TMTC2: variants seen among roughly 807,000 people sequenced by gnomAD.
TMTC2 encodes the protein transmembrane O-mannosyltransferase targeting cadherins 2, also known as protein O-mannosyl-transferase TMTC2.
Under a neutral mutation model 82.4 loss-of-function variants are expected in TMTC2, and 43 were observed. The observed-to-expected ratio is 0.52, with a 90% CI of 0.41 to 0.67. The LOEUF (loss-of-function observed/expected upper bound fraction) is 0.67, where lower values mean the gene tolerates loss of function less well. Among genes scored for constraint, TMTC2 ranks in the 30% least tolerant of loss-of-function variants. The probability of loss-of-function intolerance (pLI) is 0.00; values close to 1 mark genes in which losing one functional copy is unlikely to be tolerated. For missense variants in TMTC2, 919 were observed against 1,012.4 expected (o/e 0.91, Z 1.25); for synonymous variants, 408 against 381.9 (o/e 1.07, Z -0.80).
Position 82,966,958 on chromosome 12 carries a change from C to A in TMTC2, c.1909C>A (p.Pro637Thr). The A allele has an allele frequency of 6.2e-7, 1 of 1,613,076 alleles. No homozygotes were observed. Among genetic ancestry groups the A allele is most frequent in the Non-Finnish European group, 8.5e-7 (1 of 1,179,338 alleles). ...SVYKEAIQKM[P>T]RQFAPQSLYN... ...ATACAAGGAAGCAATTCAGAAAATG[C>A]CAAGGCAGTTTGCCCCACAGAGCTT... The change falls in exon 7 of 12, where the codon CCA becomes ACA. Residue 637 changes from proline (P) to threonine (T), a missense_variant. Physicochemically the swap from Pro to Thr is conservative, Grantham distance 38. Transcript: ENST00000321196.
intron 11 of TMTC2, among the ~76,000 whole-genome samples, chr12:83,089,618 G>A (rs1883773668): frequency 6.6e-6 from 1 of 152,102 alleles, no homozygotes; most frequent in East Asian, 1.9e-4. Context: ...GGCCTAGGTA[G>A]GGAGTGTAAG....
At chr12:83,046,594 T>A (rs1882140617) in intron 9 of TMTC2, among the ~76,000 whole-genome samples, 1 of 152,174 alleles carries the variant, frequency 6.6e-6, no homozygotes, top group African/African-American at 2.4e-5. Flanking sequence ...TGGCTCTACC[T>A]TGTAGTATAC....
At chr12:83,080,235 TC>T (rs1883416416) in intron 11 of TMTC2, among the ~76,000 whole-genome samples, 1 of 152,188 alleles carries the variant, frequency 6.6e-6, no homozygotes, top group Admixed American at 6.5e-5. Context: ...AAACTGTATC[TC>T]CATGTTTAAA....
chr12:82,995,436 G>C (rs912231034), intron 8 of TMTC2, among the ~76,000 whole-genome samples: 4 of 151,964 alleles, frequency 2.6e-5, no homozygotes, highest in African/African-American at 9.7e-5. Flanking sequence ...AACCTGCCTG[G>C]CCATGAACAT....
At chr12:82,919,035 C>T (rs759275655) in intron 3 of TMTC2, among the ~76,000 whole-genome samples, 4 of 152,196 alleles carry the variant, frequency 2.6e-5, no homozygotes, top group Non-Finnish European at 4.4e-5. Flanking sequence ...GGATTACAGG[C>T]GTAAGCCACC....
At chr12:83,116,396 A>C (rs1406781204) in intron 11 of TMTC2, among the ~76,000 whole-genome samples, 2 of 152,332 alleles carry the variant, frequency 1.3e-5, no homozygotes, top group East Asian at 3.9e-4. Context: ...TGCTGTAAAC[A>C]TGCATGTGCA....
At chr12:82,837,025 C>T (rs972706387) in intron 1 of TMTC2, among the ~76,000 whole-genome samples, 1 of 152,134 alleles carries the variant, frequency 6.6e-6, no homozygotes, top group Non-Finnish European at 1.5e-5. Flanking sequence ...GTATATTAGT[C>T]ATCAGGGACA....
Position 82,965,607 on chromosome 12 carries a change from G to A in TMTC2, c.1732G>A (p.Glu578Lys), listed in dbSNP as rs368290342. ...GIILMNQGRT[E>K]EARRTFLKCS... ...TATTCTAATGAACCAAGGAAGGACG[G>A]AAGAAGCCCGACGGACATTCTTAAA... Residue 578 changes from glutamate (E) to lysine (K), a missense_variant, in exon 6 of 12, where the codon GAA becomes AAA. By Grantham distance (56) the Glu-to-Lys change is moderately conservative. Coordinates refer to ENST00000321196, the MANE Select transcript of TMTC2 (RefSeq NM_152588.3). 3.1e-6 allele frequency: 5 copies of A among 1,613,486 alleles called. No homozygotes were observed. The African/African-American group carries it at 6.7e-5, about 22-fold the overall frequency.
chr12:82,910,100 G>A (rs186739268), intron 3 of TMTC2, among the ~76,000 whole-genome samples: 4 of 152,206 alleles, frequency 2.6e-5, no homozygotes, highest in East Asian at 1.9e-4. Context: ...GCCTTATCAC[G>A]CACTGGTGCC....
intron 4 of TMTC2, among the ~76,000 whole-genome samples, chr12:82,947,767 C>T (rs1021753752): frequency 1.7e-4 from 26 of 152,064 alleles, no homozygotes; most frequent in Admixed American, 1.6e-3. Flanking sequence ...GACCAGTAGC[C>T]TTATTAAATA....
chr12:82,808,756 T>C (rs1879355140), intron 1 of TMTC2, among the ~76,000 whole-genome samples: 1 of 152,092 alleles, frequency 6.6e-6, no homozygotes, highest in South Asian at 2.1e-4. Flanking sequence ...TAAGCCTTTT[T>C]ACTGGACAGA....
At chr12:83,003,257 A>G (rs1163928675) in intron 8 of TMTC2, among the ~76,000 whole-genome samples, 2 of 151,402 alleles carry the variant, frequency 1.3e-5, no homozygotes, top group African/African-American at 4.9e-5. Context: ...TTTTTTTCCT[A>G]TCCCTTTGTC....
At position 83,125,384 on chromosome 12, in the gene TMTC2, T is replaced by G. The variant is rs543355594; in HGVS notation, c.2332-6826T>G. Among the ~76,000 whole-genome samples, 34 of 152,338 alleles carry G rather than the reference T, an allele frequency of 2.2e-4. No homozygotes were observed. In the South Asian group the frequency reaches 6.8e-3, roughly 31 times the overall value. On this transcript the variant is annotated intron_variant, in intron 11 of 11. Coordinates refer to ENST00000321196, the MANE Select transcript of TMTC2 (RefSeq NM_152588.3). ...TGTTCCTACCTTTCAAATATGACCA[T>G]GTAGGTGATATTTTGTATGATGTTA...
chr12:82,965,923 A>C, intron 6 of TMTC2, 179 bp downstream of exon 6: 1 of 639,918 alleles, frequency 1.6e-6, no homozygotes, highest in South Asian at 2.6e-5. Flanking sequence ...TTTTGATCAA[A>C]TTTGTTTAGA....
intron 1 of TMTC2, among the ~76,000 whole-genome samples, chr12:82,779,280 G>A (rs11115419): frequency 6.6e-6 from 1 of 151,980 alleles, no homozygotes; most frequent in East Asian, 1.9e-4. Context: ...AGAGGCTGAT[G>A]GGCTTGCCGA....
At chr12:82,823,333 T>A (rs1869224440) in intron 1 of TMTC2, among the ~76,000 whole-genome samples, 1 of 152,212 alleles carries the variant, frequency 6.6e-6, no homozygotes, top group Admixed American at 6.5e-5. Flanking sequence ...ATTCAGGAGC[T>A]TGTCTATGGA....
At chr12:82,895,784 A>G (rs761426543) in intron 2 of TMTC2, 34 bp from the exon 3 acceptor site, 3 of 1,558,118 alleles carry the variant, frequency 1.9e-6, no homozygotes, top group African/African-American at 1.4e-5. Flanking sequence ...ACTGATAATA[A>G]TCTTAATTTT....
At chr12:82,991,549 G>A (rs1231886458) in intron 8 of TMTC2, among the ~76,000 whole-genome samples, 1 of 152,102 alleles carries the variant, frequency 6.6e-6, no homozygotes, top group East Asian at 1.9e-4. Flanking sequence ...GAATAGTTTT[G>A]TATTAGAGTC....
intron 8 of TMTC2, among the ~76,000 whole-genome samples, chr12:83,012,326 A>C (rs180849778): frequency 6.6e-6 from 1 of 152,308 alleles, no homozygotes; most frequent in African/African-American, 2.4e-5. Context: ...GCAAAGGTGA[A>C]GTTTTACACA....
Sources: gnomAD v4.1 joint callset for allele counts (sites outside exome capture counted in the v4.1 genomes callset) on GRCh38, gnomAD v4.1.1 for gene constraint, MANE v1.5 for transcripts, NCBI Gene and HGNC (gene_info 2026-07-23, HGNC 2026-07-21) for gene names.